The following DNAH17 variants were observed in gnomAD, a reference collection of about 807,000 sequenced individuals.
DNAH17 encodes the protein axonemal beta dynein heavy chain 17.
Under a neutral mutation model 485.6 loss-of-function variants are expected in DNAH17, and 376 were observed. The observed-to-expected ratio is 0.77, with a 90% confidence interval of 0.71 to 0.84. The LOEUF is 0.84. Among genes scored for constraint, DNAH17 ranks in the 40% least tolerant of loss-of-function variants. DNAH17 has a pLI of 0.00. For synonymous variants in DNAH17, 3,031 were observed against 2,405.9 expected (o/e 1.26, Z -7.60); for missense variants, 6,370 against 5,839.3 (o/e 1.09, Z -2.96).
chr17:78,492,600 C>T, intron 42 of DNAH17, 33 bp downstream of exon 42: 1 of 1,611,162 alleles, frequency 6.2e-7, no homozygotes, highest in Non-Finnish European at 8.5e-7. Context: ...CCAGGAGTGC[C>T]CCTGCAGCCT....
chr17:78,440,627 T>G (rs981602919), intron 72 of DNAH17, among the ~76,000 whole-genome samples: 8 of 152,214 alleles, frequency 5.3e-5, no homozygotes, highest in Non-Finnish European at 8.8e-5. Context: ...GTTTATCCAC[T>G]TATCCATTTG....
intron 64 of DNAH17, among the ~76,000 whole-genome samples, chr17:78,454,090 G>T (rs1345072962): frequency 2.0e-5 from 3 of 152,194 alleles, no homozygotes; most frequent in African/African-American, 4.8e-5. Flanking sequence ...AGCACCGCTA[G>T]GAAGCAGGGC....
rs376717638 is a variant in DNAH17 at position 78,506,862 on chromosome 17, G to T, written c.4677-16C>A. On this transcript the variant is annotated splice_polypyrimidine_tract_variant and intron_variant, in intron 29 of 80. Coordinates refer to ENST00000389840, the MANE Select transcript of DNAH17 (RefSeq NM_173628.4). The stretch of plus-strand genomic sequence containing the variant: ...GATGGCCAAGCTGGGAGGAAGGAAG[G>T]AAGTAGAGGAGGCCGGTGACCCTAC... 1.2e-6 allele frequency: 2 copies of T among 1,613,858 alleles called. No individual in the cohort carries two copies. Among genetic ancestry groups the T allele is most frequent in the East Asian group, 4.5e-5 (2 of 44,886 alleles).
intron 19 of DNAH17, among the ~76,000 whole-genome samples, chr17:78,537,022 A>T (rs981996847): frequency 8.6e-5 from 13 of 151,902 alleles, no homozygotes; most frequent in African/African-American, 3.1e-4. Context: ...AAAAAAAAAT[A>T]AAAAAATTAG....
In DNAH17 at chr17:78,490,866, C is replaced by T. The variant is rs1484994339; in HGVS notation, c.6670-19G>A. On this transcript the variant is annotated intron_variant, in intron 43 of 80. Transcript: ENST00000389840. ...TGAGGACCTAGGAGGGGGACAGCAG[C>T]CCGTGGGGTCCTAAGGCGACACCTG... The T allele has an allele frequency of 6.3e-7, 1 of 1,578,166 alleles. No individual in the cohort carries two copies. Among genetic ancestry groups the T allele is most frequent in the Non-Finnish European group, 8.6e-7 (1 of 1,160,376 alleles).
At chr17:78,541,907 A>G (rs886555893) in intron 17 of DNAH17, among the ~76,000 whole-genome samples, 1 of 152,118 alleles carries the variant, frequency 6.6e-6, no homozygotes, top group African/African-American at 2.4e-5. Flanking sequence ...GCACCGTGGC[A>G]GGGAGGGGAG....
chr17:78,545,194 T>C (rs1051140660), intron 16 of DNAH17, among the ~76,000 whole-genome samples: 18 of 152,364 alleles, frequency 1.2e-4, no homozygotes, highest in East Asian at 3.9e-4. Flanking sequence ...TGAGTACTTA[T>C]AGTTTTTCTA....
chr17:78,569,785 G>A (rs566705262), intron 7 of DNAH17, among the ~76,000 whole-genome samples: 4 of 152,280 alleles, frequency 2.6e-5, no homozygotes, highest in Admixed American at 6.5e-5. Flanking sequence ...AGGGGACCCC[G>A]GTGCCCTTCT....
intron 13 of DNAH17, among the ~76,000 whole-genome samples, chr17:78,558,999 T>C (rs2092093091): frequency 6.6e-6 from 1 of 152,200 alleles, no homozygotes; most frequent in Admixed American, 6.5e-5. Flanking sequence ...CTGGTCACCA[T>C]TATTAGTCTC....
chr17:78,500,170 G>A, intron 36 of DNAH17, 135 bp downstream of exon 36: 4 of 1,016,464 alleles, frequency 3.9e-6, no homozygotes, highest in Non-Finnish European at 5.5e-6. Context: ...TGGGGGCCCT[G>A]GCACCTCCTC....
chr17:78,474,159 C>CCTG (rs1161384760), intron 54 of DNAH17, among the ~76,000 whole-genome samples: 1 of 152,242 alleles, frequency 6.6e-6, no homozygotes, highest in Non-Finnish European at 1.5e-5. Context: ...ATCACTGGCT[C>CCTG]CAGGTCTGCC....
chr17:78,494,934 G>T (rs776659061), intron 39 of DNAH17, 25 bp downstream of exon 39: 1 of 1,599,752 alleles, frequency 6.3e-7, no homozygotes, highest in Non-Finnish European at 8.6e-7. Context: ...ACCCACACCC[G>T]CCGTGAGCTC....
chr17:78,445,788 G>C, intron 69 of DNAH17, 108 bp from the exon 70 acceptor site: 1 of 1,300,018 alleles, frequency 7.7e-7, no homozygotes, highest in Non-Finnish European at 1.1e-6. Flanking sequence ...GCCTGCAGGG[G>C]GCGCCCTGTC....
At chr17:78,477,751 G>A (rs556168834) in intron 51 of DNAH17, among the ~76,000 whole-genome samples, 4 of 152,318 alleles carry the variant, frequency 2.6e-5, no homozygotes, top group African/African-American at 9.6e-5. Context: ...TCAGTAAAAT[G>A]GGGATATAAG....
At chr17:78,569,279 C>T (rs988947771) in intron 8 of DNAH17, 27 bp from the exon 9 acceptor site, 2 of 1,596,082 alleles carry the variant, frequency 1.3e-6, no homozygotes, top group Non-Finnish European at 1.7e-6. Context: ...AGAGATGAGG[C>T]CACGTTTGCT....
chr17:78,506,120 G>A (rs111226573), intron 30 of DNAH17, among the ~76,000 whole-genome samples: 11 of 148,220 alleles, frequency 7.4e-5, no homozygotes, highest in South Asian at 2.2e-4. Flanking sequence ...AAATGCAAGC[G>A]CTTTCCCTTC....
intron 30 of DNAH17, among the ~76,000 whole-genome samples, chr17:78,506,439 G>A (rs573384002): frequency 3.3e-5 from 5 of 152,254 alleles, no homozygotes; most frequent in Non-Finnish European, 4.4e-5. Flanking sequence ...CTAAGCCTCT[G>A]GCATACGACC....
chr17:78,539,806 C>T lies in DNAH17; in HGVS notation c.2607G>A (p.Met869Ile), dbSNP rs765616407. 2.5e-6 allele frequency: 4 copies of T among 1,611,782 alleles called. No individual in the cohort carries two copies. The highest frequency in any genetic ancestry group is 2.7e-5 in the African/African-American group (2 of 74,856). Residue 869 changes from methionine (M) to isoleucine (I), a missense_variant, in exon 18 of 81, where the codon ATG becomes ATA. Met to Ile is a conservative substitution (Grantham distance 10). Transcript: ENST00000389840. ...WKDYVIYIDD[M>I]VLDEFDQFIR... is the part of the protein sequence containing the mutation. ...TGAACTGGTCAAATTCATCTAAGACCATGTCGTCAATGTAGATGACATAAT... is the reference window on the plus strand; with the variant it reads ...TGAACTGGTCAAATTCATCTAAGACTATGTCGTCAATGTAGATGACATAAT...
chr17:78,510,277 G>A lies in DNAH17; in HGVS notation c.4236+107C>T, dbSNP rs899740495. 51 of 1,515,410 alleles carry A rather than the reference G, an allele frequency of 3.4e-5. 1 individual carries two copies. The South Asian group carries it at 3.4e-4, about 10-fold the overall frequency. 93.9% of individuals were successfully genotyped at this position (1,515,410 alleles called of 1,614,324 possible). On this transcript the variant is annotated intron_variant, in intron 27 of 80. Coordinates refer to ENST00000389840, the MANE Select transcript of DNAH17 (RefSeq NM_173628.4). The stretch of plus-strand genomic sequence containing the variant: ...GTAAGAAAGGCCCGCCAGACTTCCC[G>A]TGAGAGCCTTGGGGCTGCAGGACCC...
Sources: allele counts gnomAD v4.1 joint callset (sites outside exome capture counted in the v4.1 genomes callset), GRCh38; gene constraint gnomAD v4.1.1; transcripts MANE v1.5; gene names NCBI Gene and HGNC (gene_info 2026-07-23, HGNC 2026-07-21).